NPAS3: variants seen among roughly 807,000 people sequenced by gnomAD.
NPAS3 encodes neuronal PAS domain-containing protein 3.
Under a neutral mutation model 73.1 loss-of-function variants are expected in NPAS3, and 14 were observed. The ratio of observed to expected loss-of-function variants is 0.19; its 90% confidence interval spans 0.13 to 0.30. The LOEUF is 0.30. Among genes scored for constraint, NPAS3 ranks in the 10% least tolerant of loss-of-function variants. The pLI is 1.00. For synonymous variants in NPAS3, 620 were observed against 541.5 expected (o/e 1.14, Z -2.01); for missense variants, 1,096 against 1,250.0 (o/e 0.88, Z 1.86).
At chr14:33,608,087 ACT>A (rs1377273773) in intron 5 of NPAS3, among the ~76,000 whole-genome samples, 1 of 152,158 alleles carries the variant, frequency 6.6e-6, no homozygotes, top group Non-Finnish European at 1.5e-5. Flanking sequence ...TTAATGGTTA[ACT>A]CTGTTGACTT....
chr14:33,100,237 G>A (rs2138880620), intron 2 of NPAS3, among the ~76,000 whole-genome samples: 1 of 152,222 alleles, frequency 6.6e-6, no homozygotes, highest in East Asian at 1.9e-4. Flanking sequence ...GTAGCTAATG[G>A]GAAGGTAGGT....
chr14:33,449,464 C>G (rs1461294056), intron 4 of NPAS3, among the ~76,000 whole-genome samples: 1 of 152,112 alleles, frequency 6.6e-6, no homozygotes, highest in Non-Finnish European at 1.5e-5. Context: ...CCTGCAAAGC[C>G]TAAAATATTT....
intron 4 of NPAS3, among the ~76,000 whole-genome samples, chr14:33,536,595 C>T (rs1253352187): frequency 1.3e-5 from 2 of 151,870 alleles, no homozygotes; most frequent in African/African-American, 4.9e-5. Context: ...AAGGCTAAAC[C>T]ACCAAGGATA....
At chr14:33,041,556 A>G (rs2040347835) in intron 1 of NPAS3, among the ~76,000 whole-genome samples, 1 of 152,172 alleles carries the variant, frequency 6.6e-6, no homozygotes, top group South Asian at 2.1e-4. Context: ...ATGGTGAGGT[A>G]CCTGTGACCA....
At chr14:33,402,359 A>G (rs1265547639) in intron 4 of NPAS3, among the ~76,000 whole-genome samples, 5 of 152,070 alleles carry the variant, frequency 3.3e-5, no homozygotes, top group African/African-American at 9.7e-5. Flanking sequence ...TAATGTGACC[A>G]CTGAGAAATG....
chr14:33,494,890 A>G (rs2052093172), intron 4 of NPAS3, among the ~76,000 whole-genome samples: 1 of 152,104 alleles, frequency 6.6e-6, no homozygotes, highest in Non-Finnish European at 1.5e-5. Context: ...AAGGCGCCTA[A>G]TAATTTGTTG....
chr14:33,492,967 A>G (rs1408488191), intron 4 of NPAS3, among the ~76,000 whole-genome samples: 11 of 152,144 alleles, frequency 7.2e-5, no homozygotes, highest in African/African-American at 1.9e-4. Flanking sequence ...ACCTCGATTT[A>G]TGGTATTTCA....
rs952806149 is a variant in NPAS3, at chr14:33,051,250, C to T, written c.51-4655C>T. ...GATTGCGCCATTGCAGTCCGCAGTCCGGCCTGGGCAACAGAGCGAGACTCC... is the reference window on the plus strand; with the variant it reads ...GATTGCGCCATTGCAGTCCGCAGTCTGGCCTGGGCAACAGAGCGAGACTCC... On this transcript the variant is annotated intron_variant, in intron 1 of 11. Coordinates refer to ENST00000356141, the Ensembl canonical transcript of NPAS3. Among the ~76,000 whole-genome samples the T allele has an allele frequency of 9.6e-4, 130 of 135,300 alleles. 1 individual carries two copies. The highest frequency in any genetic ancestry group is 3.4e-3 in the African/African-American group (115 of 33,678). 88.8% of individuals were successfully genotyped at this position (135,300 alleles called of 152,430 possible). A position where few individuals can be genotyped will look rare whatever the true frequency, so the allele number is the denominator to read the frequency against.
rs2055577667 is a variant in NPAS3, at chr14:33,560,277, T to C, written c.558+67T>C. On this transcript the variant is annotated intron_variant, in intron 5 of 11. Coordinates refer to ENST00000356141, the Ensembl canonical transcript of NPAS3. ...CCTTCTTCAGCCTCATGTTTTTCCT[T>C]CTTCAAGGAATATTCTGTTTAGCAT... The C allele has an allele frequency of 7.9e-6, 6 of 755,020 alleles. No homozygotes were observed. The South Asian group carries it at 9.5e-5, about 12-fold the overall frequency. 46.8% of individuals were successfully genotyped at this position (755,020 alleles called of 1,614,324 possible). A position where few individuals can be genotyped will look rare whatever the true frequency, so the allele number is the denominator to read the frequency against.
chr14:33,545,530 A>G (rs910376151), intron 4 of NPAS3, among the ~76,000 whole-genome samples: 8 of 152,222 alleles, frequency 5.3e-5, no homozygotes, highest in Non-Finnish European at 1.0e-4. Flanking sequence ...TCAGAATTCT[A>G]GCTCAGGTCT....
intron 1 of NPAS3, among the ~76,000 whole-genome samples, chr14:33,040,389 TC>T (rs1028361792): frequency 1.3e-5 from 2 of 152,160 alleles, no homozygotes; most frequent in African/African-American, 2.4e-5. Flanking sequence ...GTGGAAGTTT[TC>T]CAAAAACATC....
chr14:32,941,275 TCCTC>T (rs1196215747), intron 1 of NPAS3, among the ~76,000 whole-genome samples: 31 of 1,874 alleles, frequency 0.017, 5 homozygotes, highest in East Asian at 0.071. Context: ...TCCCCTCCCC[TCCTC>T]CCTCCCTCCC....
intron 3 of NPAS3, among the ~76,000 whole-genome samples, chr14:33,222,251 G>T (rs1354132955): frequency 6.6e-6 from 1 of 152,134 alleles, no homozygotes; most frequent in African/African-American, 2.4e-5. Context: ...TTGCTTTGGG[G>T]TACAGCAGTT....
chr14:33,106,648 A>C (rs1280513628), intron 2 of NPAS3, among the ~76,000 whole-genome samples: 1 of 152,174 alleles, frequency 6.6e-6, no homozygotes, highest in Admixed American at 6.6e-5. Context: ...TTTAAGTACA[A>C]GCTAATGAGA....
At chr14:33,324,997 G>C (rs1464590511) in intron 3 of NPAS3, among the ~76,000 whole-genome samples, 1 of 152,080 alleles carries the variant, frequency 6.6e-6, no homozygotes, top group Non-Finnish European at 1.5e-5. Flanking sequence ...AGCATGAACA[G>C]GGATGATATT....
chr14:33,416,142 A>T (rs1237284974), intron 4 of NPAS3, among the ~76,000 whole-genome samples: 2 of 152,108 alleles, frequency 1.3e-5, no homozygotes, highest in Non-Finnish European at 2.9e-5. Flanking sequence ...AACCAACTCC[A>T]TCTTCACAAG....
intron 4 of NPAS3, among the ~76,000 whole-genome samples, chr14:33,493,562 G>A (rs980992228): frequency 1.3e-5 from 2 of 152,084 alleles, no homozygotes; most frequent in African/African-American, 4.8e-5. Flanking sequence ...GTGTTAAGGC[G>A]TGCCCCATGT....
At position 33,187,754 on chromosome 14, in the gene NPAS3, A is replaced by C. The variant is rs2046031678; in HGVS notation, c.141-27428A>C. Among the ~76,000 whole-genome samples the C allele has an allele frequency of 2.0e-5, 3 of 152,250 alleles. No individual in the cohort carries two copies. The South Asian group carries it at 6.2e-4, about 32-fold the overall frequency. ...AATAATTTTAATTAGTATTTATTAA[A>C]TTAAGAGATTATTAAATTAATATCT... On this transcript the variant is annotated intron_variant, in intron 2 of 11. Coordinates refer to ENST00000356141, the Ensembl canonical transcript of NPAS3.
chr14:33,167,035 C>CAAGG (rs1436961759), intron 2 of NPAS3, among the ~76,000 whole-genome samples: 1 of 152,122 alleles, frequency 6.6e-6, no homozygotes, highest in African/African-American at 2.4e-5. Context: ...GCATGCTTCA[C>CAAGG]AAGGGCTATT....
Sources: allele counts gnomAD v4.1 joint callset (sites outside exome capture counted in the v4.1 genomes callset), GRCh38; gene constraint gnomAD v4.1.1; transcripts MANE v1.5; gene names NCBI Gene and HGNC (gene_info 2026-07-23, HGNC 2026-07-21).